The following PRRX2 variants were observed in gnomAD, a reference collection of about 807,000 sequenced individuals.
The protein encoded by PRRX2 is paired mesoderm homeobox protein 2.
In PRRX2, 11 loss-of-function variants were observed where a neutral mutation model predicts 18.0. That is an observed-to-expected ratio of 0.61 (90% CI 0.39 to 1.01). PRRX2 has a LOEUF of 1.01. Among genes scored for constraint, PRRX2 ranks in the 50% least tolerant of loss-of-function variants. The pLI is 0.01. For synonymous variants in PRRX2, 177 were observed against 154.8 expected (o/e 1.14, Z -1.06); for missense variants, 387 against 351.0 (o/e 1.10, Z -0.82).
intron 1 of PRRX2, among the ~76,000 whole-genome samples, chr9:129,702,634 C>G (rs1386155031): frequency 6.6e-6 from 1 of 152,192 alleles, no homozygotes; most frequent in Non-Finnish European, 1.5e-5. Flanking sequence ...AGAGTGTGGA[C>G]TGGTGTCTTT....
intron 1 of PRRX2, among the ~76,000 whole-genome samples, chr9:129,670,786 G>A (rs554414815): frequency 2.0e-5 from 3 of 152,308 alleles, no homozygotes; most frequent in Non-Finnish European, 4.4e-5. Flanking sequence ...CAAGACCAGA[G>A]CCAGGCTTTG....
intron 1 of PRRX2, among the ~76,000 whole-genome samples, chr9:129,682,835 T>G (rs1832250640): frequency 6.6e-6 from 1 of 152,130 alleles, no homozygotes; most frequent in African/African-American, 2.4e-5. Context: ...CCGGGCCCAG[T>G]GGCTCATGCC....
intron 1 of PRRX2, among the ~76,000 whole-genome samples, chr9:129,714,247 G>A (rs1430979654): frequency 2.0e-5 from 3 of 151,822 alleles, no homozygotes; most frequent in African/African-American, 7.3e-5. Context: ...GGAGGTTGCA[G>A]TGAGCCGAGA....
At chr9:129,690,765 C>G (rs919181940) in intron 1 of PRRX2, among the ~76,000 whole-genome samples, 1 of 151,792 alleles carries the variant, frequency 6.6e-6, no homozygotes, top group African/African-American at 2.4e-5. Flanking sequence ...CTTGGCCTCC[C>G]AAAGTGCTGG....
intron 1 of PRRX2, among the ~76,000 whole-genome samples, chr9:129,667,700 G>T (rs935031908): frequency 6.6e-6 from 1 of 152,112 alleles, no homozygotes; most frequent in Admixed American, 6.5e-5. Context: ...CCCTGCTGTG[G>T]GGACAGCCAG....
intron 1 of PRRX2, 42 bp downstream of exon 1, chr9:129,666,168 C>T (rs1203532656): frequency 1.0e-6 from 1 of 980,834 alleles, no homozygotes; most frequent in Non-Finnish European, 1.2e-6. Flanking sequence ...GGGGCCGGGG[C>T]CGGGGCCGGG....
chr9:129,689,354 G>A (rs549973456), intron 1 of PRRX2, among the ~76,000 whole-genome samples: 23 of 152,306 alleles, frequency 1.5e-4, no homozygotes, highest in Admixed American at 6.5e-4. Context: ...GCCAGATTTC[G>A]GTGTGACCAG....
Position 129,701,600 on chromosome 9 carries a change from G to A in PRRX2, c.260-17631G>A, listed in dbSNP as rs536507633. On this transcript the variant is annotated intron_variant, in intron 1 of 3. Coordinates refer to ENST00000372469, the MANE Select transcript of PRRX2 (RefSeq NM_016307.4). ...TGAAGTTGTACAGTGCACAGCCTGTGCAACCATACGCAGCATCCCTGGGTG... is the reference window on the plus strand; with the variant it reads ...TGAAGTTGTACAGTGCACAGCCTGTACAACCATACGCAGCATCCCTGGGTG... 5.8e-4 allele frequency among the ~76,000 whole-genome samples: 88 copies of A among 152,342 alleles called. 1 individual carries two copies. Among genetic ancestry groups the A allele is most frequent in the African/African-American group, 2.1e-3 (87 of 41,588 alleles).
At chr9:129,685,248 C>T (rs1402415455) in intron 1 of PRRX2, among the ~76,000 whole-genome samples, 2 of 152,252 alleles carry the variant, frequency 1.3e-5, no homozygotes, top group Non-Finnish European at 2.9e-5. Flanking sequence ...CAGCATCCCC[C>T]TCACGTTACA....
intron 1 of PRRX2, among the ~76,000 whole-genome samples, chr9:129,677,828 C>A (rs1832180109): frequency 6.6e-6 from 1 of 152,140 alleles, no homozygotes; most frequent in South Asian, 2.1e-4. Context: ...ACGGACTACT[C>A]TGATTTCACT....
intron 1 of PRRX2, among the ~76,000 whole-genome samples, chr9:129,676,665 C>T (rs987228190): frequency 1.3e-5 from 2 of 152,222 alleles, no homozygotes; most frequent in Non-Finnish European, 2.9e-5. Flanking sequence ...CTCCCTAGCC[C>T]TCACTGAGGC....
In PRRX2 at chr9:129,722,280, C is replaced by G; in HGVS notation, c.690C>G (p.Asn230Lys). Residue 230 changes from asparagine (N) to lysine (K), a missense_variant, in exon 4 of 4, where the codon AAC becomes AAG. By Grantham distance (94) the Asn-to-Lys change is moderately conservative. Transcript: ENST00000372469. ...GPATPGVNMA[N>K]SIASLRLKAK... ...CAACCCCAGGGGTCAACATGGCCAA[C>G]AGCATCGCCAGCCTCCGTCTCAAGG... is the stretch of plus-strand genomic sequence containing the variant. The G allele has an allele frequency of 6.2e-7, 1 of 1,614,066 alleles. No individual in the cohort carries two copies. The highest frequency in any genetic ancestry group is 1.7e-5 in the Admixed American group (1 of 60,022).
chr9:129,697,924 A>C (rs1396439759), intron 1 of PRRX2, among the ~76,000 whole-genome samples: 2 of 151,802 alleles, frequency 1.3e-5, no homozygotes, highest in African/African-American at 4.8e-5. Context: ...CATGCGAGAA[A>C]CGCCAAAATG....
rs566074019 is a variant in PRRX2, at chr9:129,696,621, A to G, written c.260-22610A>G. On this transcript the variant is annotated intron_variant, in intron 1 of 3. Transcript: ENST00000372469. ...TAATTTTTAAAAAATACATTTTATA[A>G]AGCAAAGCTACCCTCGGTTCCCGGT... Among the ~76,000 whole-genome samples the G allele has an allele frequency of 2.0e-5, 3 of 152,292 alleles. No homozygotes were observed. In the South Asian group the frequency reaches 6.2e-4, roughly 32 times the overall value.
chr9:129,670,198 A>G (rs1180504033), intron 1 of PRRX2, among the ~76,000 whole-genome samples: 3 of 151,440 alleles, frequency 2.0e-5, no homozygotes, highest in Admixed American at 6.6e-5. Flanking sequence ...ATCACATTCC[A>G]CTGTACGGAT....
chr9:129,676,618 A>T (rs774050790), intron 1 of PRRX2, among the ~76,000 whole-genome samples: 3 of 152,198 alleles, frequency 2.0e-5, no homozygotes, highest in Admixed American at 1.3e-4. Context: ...CCCTGCCCTC[A>T]GACGGCTTCC....
In PRRX2 at chr9:129,695,233, G is replaced by A. The variant is rs558556563; in HGVS notation, c.260-23998G>A. Among the ~76,000 whole-genome samples, 1 of 152,162 alleles carries A rather than the reference G, an allele frequency of 6.6e-6. No homozygotes were observed. The highest frequency in any genetic ancestry group is 2.4e-5 in the African/African-American group (1 of 41,530). ...GTCCGTGAGTGTGGATAGGTGGCCC[G>A]TAATCAACACTCCCTCCAGAGGTTT... On this transcript the variant is annotated intron_variant, in intron 1 of 3. Transcript: ENST00000372469. This position sits in a 1 kb window ranked among gnomAD's most constrained non-coding sequence, Gnocchi z 4.8.
chr9:129,692,306 C>T (rs1369295180), intron 1 of PRRX2, among the ~76,000 whole-genome samples: 1 of 151,996 alleles, frequency 6.6e-6, no homozygotes, highest in East Asian at 1.9e-4. Flanking sequence ...GTGGAAAGTG[C>T]AGAGATTCCC....
chr9:129,705,546 G>A (rs753410052), intron 1 of PRRX2, among the ~76,000 whole-genome samples: 4 of 151,924 alleles, frequency 2.6e-5, no homozygotes, highest in Non-Finnish European at 5.9e-5. Context: ...GTAGAGACAG[G>A]GTTTCACCAT....
Sources: allele counts gnomAD v4.1 joint callset (sites outside exome capture counted in the v4.1 genomes callset), GRCh38; gene constraint gnomAD v4.1.1; non-coding constraint Gnocchi (gnomAD v3.1); transcripts MANE v1.5; gene names NCBI Gene and HGNC (gene_info 2026-07-23, HGNC 2026-07-21).